Variants in ANXA4 observed in about 807,000 individuals in gnomAD.
ANXA4 encodes 35-beta calcimedin.
ANXA4 carries 39 observed loss-of-function variants against 49.8 expected under a neutral mutation model. The observed-to-expected ratio is 0.78, with a 90% CI of 0.61 to 1.02. The LOEUF is 1.02. ANXA4 is among the 50% of genes least tolerant of loss of function. The pLI, the probability that ANXA4 is intolerant of heterozygous loss-of-function variation, is 0.00. For synonymous variants in ANXA4, 134 were observed against 152.5 expected, an observed-to-expected ratio of 0.88 and a Z score of 0.89; for missense variants, 360 against 410.1, an observed-to-expected ratio of 0.88 and a Z score of 1.05.
At position 69,788,157 on chromosome 2, in the gene ANXA4, G is replaced by A. The variant is rs753551397; in HGVS notation, c.97+16G>A. On this transcript the variant is annotated intron_variant, in intron 3 of 12. Transcript: ENST00000394295. ...AAAGGGCTCGGTATGTGTCCTGCTG[G>A]AAGTGAATCCTCCTGCGTGCATTGC... The A allele has an allele frequency of 1.2e-6, 2 of 1,608,340 alleles. No individual in the cohort carries two copies. The highest frequency in any genetic ancestry group is 1.7e-6 in the Non-Finnish European group (2 of 1,174,952).
chr2:69,664,066 C>T (rs954032855), intron 2 of ANXA4, among the ~76,000 whole-genome samples: 1 of 152,142 alleles, frequency 6.6e-6, no homozygotes, highest in African/African-American at 2.4e-5. Flanking sequence ...TGAAGTTTCA[C>T]TTAAAGAATC....
At chr2:69,768,388 CAG>C (rs1194057422) in intron 1 of ANXA4, among the ~76,000 whole-genome samples, 2 of 152,126 alleles carry the variant, frequency 1.3e-5, no homozygotes, top group African/African-American at 4.8e-5. Flanking sequence ...AGCGCAGGGC[CAG>C]AGAGAGGATG....
intron 1 of ANXA4, among the ~76,000 whole-genome samples, chr2:69,648,680 C>A (rs946811143): frequency 6.6e-6 from 1 of 151,716 alleles, no homozygotes; most frequent in Non-Finnish European, 1.5e-5. Flanking sequence ...AAAAATTAGC[C>A]GGGCATGGTG....
chr2:69,687,545 A>G (rs1677831824), intron 2 of ANXA4, among the ~76,000 whole-genome samples: 1 of 152,092 alleles, frequency 6.6e-6, no homozygotes, highest in African/African-American at 2.4e-5. Context: ...GGAGAGAAAA[A>G]AGAAAGAAAT....
intron 8 of ANXA4, among the ~76,000 whole-genome samples, chr2:69,813,415 A>AT (rs1437633103): frequency 6.6e-6 from 1 of 151,642 alleles, no homozygotes; most frequent in Non-Finnish European, 1.5e-5. Context: ...TACCCGGCTA[A>AT]TTTTTTTCTA....
intron 3 of ANXA4, among the ~76,000 whole-genome samples, chr2:69,797,760 A>T (rs890032741): frequency 1.5e-4 from 23 of 152,212 alleles, no homozygotes; most frequent in African/African-American, 5.3e-4. Flanking sequence ...TTTGGAGGAC[A>T]TGTTCCTCCT....
intron 2 of ANXA4, among the ~76,000 whole-genome samples, chr2:69,708,425 GTC>G (rs1678570536): frequency 6.6e-6 from 1 of 152,162 alleles, no homozygotes; most frequent in South Asian, 2.1e-4. Context: ...GCGAAACCCT[GTC>G]TCTACAAAAA....
intron 3 of ANXA4, among the ~76,000 whole-genome samples, chr2:69,733,121 T>C (rs553987158): frequency 7.9e-5 from 12 of 152,250 alleles, no homozygotes; most frequent in Non-Finnish European, 1.8e-4. Context: ...ACGCTTGTTC[T>C]TGTAGATAGA....
intron 1 of ANXA4, among the ~76,000 whole-genome samples, chr2:69,746,200 C>T (rs554168627): frequency 3.9e-5 from 6 of 151,996 alleles, no homozygotes; most frequent in East Asian, 2.0e-4. Flanking sequence ...TTAGTGGAGA[C>T]GGGGTTTCAC....
At chr2:69,691,629 T>C (rs1301086204) in intron 2 of ANXA4, among the ~76,000 whole-genome samples, 1 of 152,014 alleles carries the variant, frequency 6.6e-6, no homozygotes, top group Non-Finnish European at 1.5e-5. Context: ...GCCTATAGCT[T>C]ATTTCTTTAG....
At chr2:69,718,950 GA>G (rs1669741519) in intron 2 of ANXA4, among the ~76,000 whole-genome samples, 1 of 150,776 alleles carries the variant, frequency 6.6e-6, no homozygotes, top group Non-Finnish European at 1.5e-5. Flanking sequence ...AGCTTTTCCT[GA>G]TATTCCAAGT....
At chr2:69,813,438 A>G (rs1673797506) in intron 8 of ANXA4, among the ~76,000 whole-genome samples, 1 of 152,062 alleles carries the variant, frequency 6.6e-6, no homozygotes, top group African/African-American at 2.4e-5. Flanking sequence ...TTTAGTAGAG[A>G]CGGGTTTTCA....
chr2:69,645,139 T>C (rs899510980), intron 1 of ANXA4, among the ~76,000 whole-genome samples: 1 of 152,142 alleles, frequency 6.6e-6, no homozygotes, highest in Non-Finnish European at 1.5e-5. Context: ...GGGAAAAAAA[T>C]GGTTCTTGCT....
chr2:69,692,503 A>G (rs555795813), intron 2 of ANXA4, among the ~76,000 whole-genome samples: 80 of 152,300 alleles, frequency 5.3e-4, no homozygotes, highest in African/African-American at 1.9e-3. Flanking sequence ...CCATAACAGT[A>G]TATATATTTC....
chr2:69,754,980 T>C (rs1159454715), intron 1 of ANXA4, among the ~76,000 whole-genome samples: 1 of 152,214 alleles, frequency 6.6e-6, no homozygotes, highest in African/African-American at 2.4e-5. Flanking sequence ...AAGGTGGCTC[T>C]AAATGTTGGT....
intron 2 of ANXA4, among the ~76,000 whole-genome samples, chr2:69,691,442 G>A (rs116262835): frequency 0.018 from 2,705 of 152,060 alleles, 39 homozygotes; most frequent in Non-Finnish European, 0.028. Context: ...ACTGAAAAAC[G>A]GATGCACCTA....
intron 2 of ANXA4, among the ~76,000 whole-genome samples, chr2:69,700,776 A>T (rs1258545223): frequency 6.6e-6 from 1 of 152,250 alleles, no homozygotes; most frequent in African/African-American, 2.4e-5. Context: ...TGTTACAGCT[A>T]TAGAAATGAA....
chr2:69,818,741 T>C lies in ANXA4; in HGVS notation c.724+47T>C, dbSNP rs776803426. The stretch of plus-strand genomic sequence containing the variant: ...AGAAACAAATGTTTATAGATTTTCC[T>C]TCTCATTATCAGTTTGCAATATGGG... On this transcript the variant is annotated intron_variant, in intron 10 of 12. Transcript: ENST00000394295. 2.3e-6 allele frequency: 3 copies of C among 1,311,484 alleles called. No individual in the cohort carries two copies. In the African/African-American group the frequency reaches 4.4e-5, roughly 19 times the overall value. 81.2% of individuals were successfully genotyped at this position (1,311,484 alleles called of 1,614,324 possible).
At chr2:69,777,680 A>C (rs983512087) in intron 1 of ANXA4, among the ~76,000 whole-genome samples, 25 of 152,198 alleles carry the variant, frequency 1.6e-4, no homozygotes, top group African/African-American at 6.0e-4. Context: ...ACAGTAAGCC[A>C]ATTTCTGCTG....
Sources: allele counts gnomAD v4.1 joint callset (sites outside exome capture counted in the v4.1 genomes callset), GRCh38; gene constraint gnomAD v4.1.1; transcripts MANE v1.5; gene names NCBI Gene and HGNC (gene_info 2026-07-23, HGNC 2026-07-21).